Variants in TRIO observed in about 807,000 individuals in gnomAD.
TRIO encodes trio Rho guanine nucleotide exchange factor, also known as triple functional domain protein.
In TRIO, 58 loss-of-function variants were observed where a neutral mutation model predicts 351.9. The observed-to-expected ratio is 0.16, with a 90% CI of 0.13 to 0.21. The LOEUF (loss-of-function observed/expected upper bound fraction) is 0.21, where lower values mean the gene tolerates loss of function less well. Ranked by LOEUF, TRIO falls within the 10% of genes least tolerant of loss-of-function variation. The pLI is 1.00. For synonymous variants in TRIO, 1,758 were observed against 1,595.7 expected (o/e 1.10, Z -2.42); for missense variants, 3,201 against 4,027.8 (o/e 0.79, Z 5.56).
chr5:14,485,420 T>G (rs565954212), intron 47 of TRIO, among the ~76,000 whole-genome samples, 174 bp downstream of exon 47: 176 of 152,290 alleles, frequency 1.2e-3, no homozygotes, highest in Non-Finnish European at 2.2e-3. Context: ...GTGTGGCCAG[T>G]ACTATTATTA....
chr5:14,336,586 T>C lies in TRIO; in HGVS notation c.1905T>C (p.Ala635=). ...DKLLEAAEQL[A]QTGECDPEEI... ...TACTGGAAGCAGCAGAACAGCTGGCTCAGACTGGGGAATGTGACCCCGAAG... is the reference window on the plus strand; with the variant it reads ...TACTGGAAGCAGCAGAACAGCTGGCCCAGACTGGGGAATGTGACCCCGAAG... The change falls in exon 11 of 57, where the codon GCT becomes GCC. Residue 635 remains alanine (A), a synonymous_variant. Coordinates refer to ENST00000344204, the MANE Select transcript of TRIO (RefSeq NM_007118.4). The C allele has an allele frequency of 6.2e-7, 1 of 1,614,150 alleles. No individual in the cohort carries two copies. Among genetic ancestry groups the C allele is most frequent in the Non-Finnish European group, 8.5e-7 (1 of 1,180,038 alleles).
chr5:14,164,079 TCAG>T (rs1788628496), intron 1 of TRIO, among the ~76,000 whole-genome samples: 1 of 152,218 alleles, frequency 6.6e-6, no homozygotes, highest in African/African-American at 2.4e-5. Context: ...CTGATGCCAC[TCAG>T]CAGTGGGACA....
At chr5:14,431,428 A>G (rs750160403) in intron 34 of TRIO, among the ~76,000 whole-genome samples, 2 of 152,244 alleles carry the variant, frequency 1.3e-5, no homozygotes, top group African/African-American at 2.4e-5. Context: ...TCGAGAGGAC[A>G]GTAAACAGGC....
intron 28 of TRIO, among the ~76,000 whole-genome samples, chr5:14,396,044 TA>T (rs557922366): frequency 0.012 from 781 of 64,522 alleles, 1 homozygote; most frequent in African/African-American, 0.018. Flanking sequence ...AGACTCCGCC[TA>T]AAAAAAAAAA....
intron 1 of TRIO, among the ~76,000 whole-genome samples, chr5:14,252,632 C>T (rs1229944712): frequency 1.3e-5 from 2 of 152,176 alleles, no homozygotes; most frequent in Non-Finnish European, 2.9e-5. Flanking sequence ...CCTGAGACAT[C>T]TCCTTTCAAA....
intron 11 of TRIO, among the ~76,000 whole-genome samples, chr5:14,351,646 C>CA (rs1225339440): frequency 6.6e-6 from 1 of 152,230 alleles, no homozygotes; most frequent in African/African-American, 2.4e-5. Flanking sequence ...AAAATGCTTT[C>CA]ATTACATACA....
At chr5:14,240,023 C>T (rs1386446786) in intron 1 of TRIO, among the ~76,000 whole-genome samples, 1 of 152,172 alleles carries the variant, frequency 6.6e-6, no homozygotes, top group East Asian at 1.9e-4. Flanking sequence ...CCAGGTTTCC[C>T]TGTCTCTTCA....
chr5:14,440,041 CT>C (rs962952643), intron 34 of TRIO, among the ~76,000 whole-genome samples: 1 of 151,908 alleles, frequency 6.6e-6, no homozygotes, highest in Non-Finnish European at 1.5e-5. Context: ...AAAATTTTAA[CT>C]TTTTTTTAAC....
intron 34 of TRIO, among the ~76,000 whole-genome samples, chr5:14,449,390 G>A (rs548196707): frequency 1.1e-4 from 16 of 152,312 alleles, no homozygotes; most frequent in African/African-American, 2.6e-4. Context: ...TGACATCGAC[G>A]CGGCCAGCCT....
chr5:14,338,855 C>A (rs1210866792), intron 11 of TRIO, among the ~76,000 whole-genome samples: 1 of 152,080 alleles, frequency 6.6e-6, no homozygotes, highest in African/African-American at 2.4e-5. Context: ...GTTCCAGAGC[C>A]AGGTGGTTGG....
intron 33 of TRIO, among the ~76,000 whole-genome samples, chr5:14,416,615 TTTC>T (rs1447886333): frequency 3.9e-5 from 6 of 152,372 alleles, no homozygotes; most frequent in Admixed American, 3.9e-4. Flanking sequence ...TTGATTTTTA[TTTC>T]TTATGTGCTG....
At chr5:14,293,977 A>G (rs76467162) in intron 6 of TRIO, among the ~76,000 whole-genome samples, 1,749 of 150,802 alleles carry the variant, frequency 0.012, 39 homozygotes, top group African/African-American at 0.04. Flanking sequence ...AGCAATATGA[A>G]CCGGCCTGGG....
chr5:14,467,952 C>A (rs1456204720), intron 37 of TRIO, among the ~76,000 whole-genome samples: 3 of 152,138 alleles, frequency 2.0e-5, no homozygotes, highest in Non-Finnish European at 4.4e-5. Flanking sequence ...TTTTAAGCAT[C>A]CTTAAACTTT....
chr5:14,281,449 A>T (rs1263004165), intron 3 of TRIO, among the ~76,000 whole-genome samples: 1 of 78,822 alleles, frequency 1.3e-5, no homozygotes, highest in Non-Finnish European at 2.5e-5. Flanking sequence ...CCCGTGATCC[A>T]ATTACCACCC....
Position 14,346,909 on chromosome 5 carries a change from A to G in TRIO, c.2046+10182A>G, listed in dbSNP as rs1488650846. ...GAAGATGTCAGGAGGCAAGCTTCTGATAGTAAGACAGTCCTCATACCCCAC... is the reference window on the plus strand; with the variant it reads ...GAAGATGTCAGGAGGCAAGCTTCTGGTAGTAAGACAGTCCTCATACCCCAC... On this transcript the variant is annotated intron_variant, in intron 11 of 56. Transcript: ENST00000344204. Among the ~76,000 whole-genome samples, 3 of 152,236 alleles carry G rather than the reference A, an allele frequency of 2.0e-5. No homozygotes were observed. The East Asian group carries it at 5.8e-4, about 29-fold the overall frequency.
At chr5:14,269,306 T>G (rs1263484797) in intron 1 of TRIO, among the ~76,000 whole-genome samples, 1 of 152,272 alleles carries the variant, frequency 6.6e-6, no homozygotes, top group Non-Finnish European at 1.5e-5. Context: ...ACCGCTGATT[T>G]ATTCATTCTT....
At chr5:14,145,240 C>A (rs958033954) in intron 1 of TRIO, among the ~76,000 whole-genome samples, 5 of 152,180 alleles carry the variant, frequency 3.3e-5, no homozygotes, top group Non-Finnish European at 7.3e-5. Context: ...AGCGGGAGGG[C>A]GATGGTGAGA....
chr5:14,296,316 G>A (rs1195637265), intron 6 of TRIO, among the ~76,000 whole-genome samples: 2 of 152,164 alleles, frequency 1.3e-5, no homozygotes, highest in South Asian at 2.1e-4. Context: ...TCTGAATCCC[G>A]CACCACACCA....
At chr5:14,435,945 A>G (rs1751552358) in intron 34 of TRIO, among the ~76,000 whole-genome samples, 1 of 152,148 alleles carries the variant, frequency 6.6e-6, no homozygotes, top group Non-Finnish European at 1.5e-5. Flanking sequence ...CTTAGAAACT[A>G]AGGTTTGGGT....
Sources: allele counts gnomAD v4.1 joint callset (sites outside exome capture counted in the v4.1 genomes callset), GRCh38; gene constraint gnomAD v4.1.1; transcripts MANE v1.5; gene names NCBI Gene and HGNC (gene_info 2026-07-23, HGNC 2026-07-21).